The following ASPRV1 variants were observed in gnomAD, a reference collection of about 807,000 sequenced individuals.
The protein encoded by ASPRV1 is aspartic peptidase retroviral like 1.
ASPRV1 carries 7 observed loss-of-function variants against 11.0 expected under a neutral mutation model. The ratio of observed to expected loss-of-function variants is 0.64; its 90% CI spans 0.36 to 1.20. The LOEUF (loss-of-function observed/expected upper bound fraction) is 1.20, where lower values mean the gene tolerates loss of function less well. ASPRV1 is among the 50% of genes most tolerant of loss of function. The pLI is 0.02. For synonymous variants in ASPRV1, 136 were observed against 138.4 expected (o/e 0.98, Z 0.12); for missense variants, 299 against 320.0 (o/e 0.93, Z 0.50).
the ASPRV1 span, among the ~76,000 whole-genome samples, chr2:70,043,650 C>T: frequency 6.6e-6 from 1 of 152,256 alleles, no homozygotes; most frequent in African/African-American, 2.4e-5. Flanking sequence ...CCACCAGCCA[C>T]AAAGGAAATG....
the ASPRV1 span, among the ~76,000 whole-genome samples, chr2:69,991,488 T>C: frequency 6.6e-6 from 1 of 152,120 alleles, no homozygotes; most frequent in Non-Finnish European, 1.5e-5. Context: ...CCCAAAGTCA[T>C]TTATTGTTCC....
upstream of ASPRV1, among the ~76,000 whole-genome samples, chr2:69,965,428 C>T (rs145920613): frequency 1.5e-3 from 230 of 151,976 alleles, 10 homozygotes; most frequent in East Asian, 0.04. Context: ...CTAACACTAA[C>T]GATAGCTGGT....
At chr2:70,001,399 C>A in the ASPRV1 span, among the ~76,000 whole-genome samples, 1 of 151,952 alleles carries the variant, frequency 6.6e-6, no homozygotes, top group Admixed American at 6.6e-5. Flanking sequence ...TGTGGTGGTG[C>A]ATGCCTGTAA....
At chr2:69,982,036 T>TATCCATCCATCC in the ASPRV1 span, among the ~76,000 whole-genome samples, 7 of 149,024 alleles carry the variant, frequency 4.7e-5, no homozygotes, top group Admixed American at 2.7e-4. Context: ...CCCTCTCATC[T>TATCCATCCATCC]ATCCATCCAT....
chr2:69,936,448 G>A, the ASPRV1 span, among the ~76,000 whole-genome samples: 1 of 152,250 alleles, frequency 6.6e-6, no homozygotes, highest in East Asian at 1.9e-4. Context: ...AGGGGAATTG[G>A]ATTCAAAGTC....
chr2:69,980,663 T>G, the ASPRV1 span, among the ~76,000 whole-genome samples: 3 of 152,232 alleles, frequency 2.0e-5, no homozygotes, highest in African/African-American at 7.2e-5. Flanking sequence ...TTTTGGCAAA[T>G]GTACCCTGGT....
the ASPRV1 span, among the ~76,000 whole-genome samples, chr2:70,004,003 C>T: frequency 6.6e-6 from 1 of 152,088 alleles, no homozygotes; most frequent in Non-Finnish European, 1.5e-5. Context: ...TTATAAATTG[C>T]CCAGTCTGTG....
the ASPRV1 span, among the ~76,000 whole-genome samples, chr2:70,016,923 G>T: frequency 5.3e-5 from 8 of 152,020 alleles, no homozygotes; most frequent in Non-Finnish European, 1.2e-4. Flanking sequence ...TGCAAGGATG[G>T]TTCAACATAT....
chr2:70,007,357 TA>T, the ASPRV1 span, among the ~76,000 whole-genome samples: 42 of 152,064 alleles, frequency 2.8e-4, no homozygotes, highest in Middle Eastern at 6.8e-3. Flanking sequence ...GTTTCTACTT[TA>T]AAAAAATACA....
the ASPRV1 span, chr2:69,996,765 T>A: frequency 2.2e-6 from 1 of 456,580 alleles, no homozygotes; most frequent in Non-Finnish European, 4.4e-6. Flanking sequence ...TGAGTCTGTG[T>A]GACACATGGG....
the ASPRV1 span, among the ~76,000 whole-genome samples, chr2:69,991,211 T>G: frequency 3.3e-5 from 5 of 152,250 alleles, no homozygotes; most frequent in South Asian, 1.0e-3. Context: ...ACACGGGCAG[T>G]TGGCCCAAGA....
chr2:70,083,515 C>G, the ASPRV1 span: 1 of 152,192 alleles, frequency 6.6e-6, no homozygotes. Context: ...ACCTTCTTAG[C>G]CTTGTTAAAC....
the ASPRV1 span, among the ~76,000 whole-genome samples, chr2:70,043,113 A>T: frequency 6.6e-6 from 1 of 152,168 alleles, no homozygotes; most frequent in African/African-American, 2.4e-5. Flanking sequence ...AGATGATGCC[A>T]AGTCAACTAG....
At chr2:70,030,970 T>C in the ASPRV1 span, 1 of 152,094 alleles carries the variant, frequency 6.6e-6, no homozygotes, top group Non-Finnish European at 1.5e-5. Flanking sequence ...TTAATCAAAA[T>C]ATTACATAAA....
chr2:70,026,522 C>T, the ASPRV1 span, among the ~76,000 whole-genome samples: 7 of 151,532 alleles, frequency 4.6e-5, no homozygotes, highest in African/African-American at 1.2e-4. Flanking sequence ...GATACAAAAC[C>T]AACATACGAA....
the ASPRV1 span, among the ~76,000 whole-genome samples, chr2:70,026,079 T>C: frequency 1.3e-5 from 2 of 152,146 alleles, no homozygotes; most frequent in Non-Finnish European, 2.9e-5. Flanking sequence ...TCCCAGCACT[T>C]TGGGAGGCCA....
chr2:69,977,037 C>T, the ASPRV1 span, among the ~76,000 whole-genome samples: 3 of 152,016 alleles, frequency 2.0e-5, no homozygotes, highest in South Asian at 4.1e-4. Flanking sequence ...ACTAAAAATA[C>T]AAAACTTGGC....
the ASPRV1 span, among the ~76,000 whole-genome samples, chr2:70,004,703 C>T: frequency 6.6e-6 from 1 of 152,118 alleles, no homozygotes; most frequent in African/African-American, 2.4e-5. Context: ...TGAACCTAGA[C>T]TTTCTGAAAG....
At chr2:70,076,953 T>A in the ASPRV1 span, among the ~76,000 whole-genome samples, 1 of 152,162 alleles carries the variant, frequency 6.6e-6, no homozygotes, top group Non-Finnish European at 1.5e-5. Flanking sequence ...AAATTGTAAG[T>A]CAAACCACTG....
Sources: gnomAD v4.1 joint callset for allele counts (sites outside exome capture counted in the v4.1 genomes callset) on GRCh38, gnomAD v4.1.1 for gene constraint, MANE v1.5 for transcripts, NCBI Gene and HGNC (gene_info 2026-07-23, HGNC 2026-07-21) for gene names.